PTPRG: variants seen among roughly 807,000 people sequenced by gnomAD.
PTPRG encodes receptor-type tyrosine-protein phosphatase gamma.
Under a neutral mutation model 165.3 loss-of-function variants are expected in PTPRG, and 102 were observed. The observed-to-expected ratio is 0.62, with a 90% CI of 0.53 to 0.73. The LOEUF is 0.73. Among genes scored for constraint, PTPRG ranks in the 30% least tolerant of loss-of-function variants. PTPRG has a pLI of 0.00. For synonymous variants in PTPRG, 675 were observed against 669.5 expected (o/e 1.01, Z -0.13); for missense variants, 1,866 against 1,861.4 (o/e 1.00, Z -0.05).
At chr3:61,753,523 G>A (rs1224282423) in intron 2 of PTPRG, 1 of 426,306 alleles carries the variant, frequency 2.3e-6, no homozygotes, top group African/African-American at 2.1e-5. Context: ...GGTCATCAAT[G>A]CAGGAAAGAG....
intron 5 of PTPRG, among the ~76,000 whole-genome samples, chr3:62,131,795 C>G (rs769695995): frequency 6.6e-5 from 10 of 152,192 alleles, no homozygotes; most frequent in African/African-American, 1.4e-4. Context: ...ATACCCCGCT[C>G]ACTCCCCCTG....
intron 5 of PTPRG, among the ~76,000 whole-genome samples, chr3:62,120,083 T>C (rs1703008685): frequency 6.6e-6 from 1 of 152,082 alleles, no homozygotes; most frequent in Non-Finnish European, 1.5e-5. Flanking sequence ...TAGTCTACTT[T>C]TGTTTTTAGT....
At chr3:61,667,252 G>T (rs925158821) in intron 1 of PTPRG, among the ~76,000 whole-genome samples, 1 of 152,276 alleles carries the variant, frequency 6.6e-6, no homozygotes, top group South Asian at 2.1e-4. Context: ...CATAGCTTAT[G>T]GATTTGGTGG....
chr3:62,044,367 C>G (rs1025681109), intron 4 of PTPRG, among the ~76,000 whole-genome samples: 1 of 152,056 alleles, frequency 6.6e-6, no homozygotes, highest in African/African-American at 2.4e-5. Context: ...GGTGAAACCC[C>G]GTCTCTACTA....
chr3:61,638,191 A>G (rs1351265894), intron 1 of PTPRG, among the ~76,000 whole-genome samples: 1 of 152,178 alleles, frequency 6.6e-6, no homozygotes, highest in Admixed American at 6.5e-5. Flanking sequence ...TTCTCTTCAG[A>G]TGCTGATATA....
rs145859383 is a variant in PTPRG, at chr3:61,840,765, G to GT, written c.190+91791dup. On this transcript the variant is annotated intron_variant, in intron 2 of 29. Transcript: ENST00000474889. Reference sequence around the variant, plus strand: ...TAGGATACAGAAAATTTCAGATGGAGTTTTTTTTGTTTGTTTGTTTTTTTT... The same window carrying GT: ...TAGGATACAGAAAATTTCAGATGGAGTTTTTTTTTGTTTGTTTGTTTTTTTT... Among the ~76,000 whole-genome samples, 809 of 118,970 alleles carry GT rather than the reference G, an allele frequency of 6.8e-3. 2 individuals carry two copies. The highest frequency in any genetic ancestry group is 0.011 in the Non-Finnish European group (635 of 58,934). 78.0% of individuals were successfully genotyped at this position (118,970 alleles called of 152,430 possible).
At chr3:61,670,530 G>A (rs147837556) in intron 1 of PTPRG, among the ~76,000 whole-genome samples, 192 of 152,246 alleles carry the variant, frequency 1.3e-3, no homozygotes, top group African/African-American at 4.5e-3. Context: ...TGATCAGCGC[G>A]ACATCTTTTA....
At chr3:61,574,243 T>A (rs1700127309) in intron 1 of PTPRG, among the ~76,000 whole-genome samples, 1 of 152,150 alleles carries the variant, frequency 6.6e-6, no homozygotes, top group Admixed American at 6.5e-5. Flanking sequence ...CATTGCCCAG[T>A]AATGGCTTTG....
At chr3:62,263,648 A>C (rs1230505267) in intron 17 of PTPRG, 9 of 152,294 alleles carry the variant, frequency 5.9e-5, no homozygotes, top group Non-Finnish European at 1.2e-4. Context: ...TGGACCACTT[A>C]AAATTTGAAC....
chr3:62,118,590 T>C (rs995933621), intron 5 of PTPRG: 1 of 152,256 alleles, frequency 6.6e-6, no homozygotes, highest in Non-Finnish European at 1.5e-5. Flanking sequence ...ACGACTATTA[T>C]TTTTTAAATT....
intron 1 of PTPRG, among the ~76,000 whole-genome samples, chr3:61,604,091 G>A (rs900261561): frequency 2.0e-5 from 3 of 152,306 alleles, no homozygotes; most frequent in Middle Eastern, 3.4e-3. Context: ...TTGGGAGGCC[G>A]AGGTGGCAGA....
At chr3:61,771,893 C>G (rs145726217) in intron 2 of PTPRG, among the ~76,000 whole-genome samples, 3 of 151,572 alleles carry the variant, frequency 2.0e-5, no homozygotes, top group Admixed American at 2.0e-4. Flanking sequence ...AAACCTGTCT[C>G]TACTAAAAAT....
intron 16 of PTPRG, chr3:62,262,171 AG>A (rs1576190169): frequency 6.6e-6 from 1 of 152,202 alleles, no homozygotes; most frequent in African/African-American, 2.4e-5. Flanking sequence ...TTTCCAAAGA[AG>A]GATAACTTTT....
chr3:62,129,596 A>T (rs1703440422), intron 5 of PTPRG, among the ~76,000 whole-genome samples: 1 of 152,174 alleles, frequency 6.6e-6, no homozygotes, highest in Non-Finnish European at 1.5e-5. Flanking sequence ...ACTCACTTTT[A>T]TAACAAATTC....
At chr3:62,090,044 CTT>C (rs1559492665) in intron 5 of PTPRG, among the ~76,000 whole-genome samples, 1 of 152,144 alleles carries the variant, frequency 6.6e-6, no homozygotes, top group African/African-American at 2.4e-5. Flanking sequence ...ACAGAGGACT[CTT>C]ATGTGTTCAC....
chr3:62,115,677 A>G (rs1702838454), intron 5 of PTPRG, among the ~76,000 whole-genome samples: 1 of 151,266 alleles, frequency 6.6e-6, no homozygotes, highest in Non-Finnish European at 1.5e-5. Flanking sequence ...TCACTCTGTC[A>G]TCCAGGCTGG....
chr3:61,660,612 G>T (rs1190711933), intron 1 of PTPRG, among the ~76,000 whole-genome samples: 1 of 152,122 alleles, frequency 6.6e-6, no homozygotes, highest in Non-Finnish European at 1.5e-5. Context: ...GTTGGTATCA[G>T]GATTAAAAGA....
chr3:62,200,135 T>G (rs1347758785), intron 10 of PTPRG, among the ~76,000 whole-genome samples: 4 of 152,210 alleles, frequency 2.6e-5, no homozygotes, highest in African/African-American at 9.7e-5. Context: ...AGTTTCTGTT[T>G]TGCAAGATGA....
At chr3:61,906,461 AAAAG>A (rs1242366125) in intron 2 of PTPRG, among the ~76,000 whole-genome samples, 1 of 151,800 alleles carries the variant, frequency 6.6e-6, no homozygotes, top group African/African-American at 2.4e-5. Flanking sequence ...ACCTGAAAAA[AAAAG>A]GAAAAAAAAA....
Sources: allele counts gnomAD v4.1 joint callset (sites outside exome capture counted in the v4.1 genomes callset), GRCh38; gene constraint gnomAD v4.1.1; transcripts MANE v1.5; gene names NCBI Gene and HGNC (gene_info 2026-07-23, HGNC 2026-07-21).